Variants in NEK6 observed in about 807,000 individuals in gnomAD.
The protein encoded by NEK6 is serine/threonine-protein kinase Nek6.
In NEK6, 27 loss-of-function variants were observed where a neutral mutation model predicts 43.5. That is an observed-to-expected ratio of 0.62 (90% CI 0.46 to 0.86). The LOEUF (loss-of-function observed/expected upper bound fraction) is 0.86. Among genes scored for constraint, NEK6 ranks in the 40% least tolerant of loss-of-function variants. The pLI is 0.00. For missense variants in NEK6, 318 were observed against 414.4 expected (o/e 0.77, Z 2.02); for synonymous variants, 167 against 164.1 (o/e 1.02, Z -0.14).
rs7040074 is a variant in NEK6 at position 124,258,283 on chromosome 9, C to T, written c.-30+198C>T. The T allele has an allele frequency of 3.1e-3, 3,067 of 984,930 alleles. 68 individuals carry two copies. The African/African-American group carries it at 0.05, about 16-fold the overall frequency. The allele number at this position is 984,930 out of a possible 1,614,324, so 61.0% of individuals were successfully genotyped here. ...TCGGCGGCCGGGCGGGCGGGGGCGG[C>T]GTGTCCGCGTGTCCCGGGGTGTGCG... On this transcript the variant is annotated intron_variant, in intron 1 of 9. Coordinates refer to ENST00000320246, the MANE Select transcript of NEK6 (RefSeq NM_014397.6).
At chr9:124,265,967 T>C (rs1051067464) in intron 1 of NEK6, among the ~76,000 whole-genome samples, 1 of 152,150 alleles carries the variant, frequency 6.6e-6, no homozygotes, top group Middle Eastern at 3.2e-3. Flanking sequence ...AACCCCTTCT[T>C]AGGTGCTCTT....
chr9:124,263,801 G>A (rs2118865631), intron 1 of NEK6, among the ~76,000 whole-genome samples: 1 of 152,334 alleles, frequency 6.6e-6, no homozygotes, highest in East Asian at 1.9e-4. Flanking sequence ...CAGGATTTAA[G>A]CACCAGGGTG....
chr9:124,350,041 AG>A (rs919548141), intron 9 of NEK6, among the ~76,000 whole-genome samples: 2 of 152,086 alleles, frequency 1.3e-5, no homozygotes, highest in Non-Finnish European at 2.9e-5. Context: ...GGCCCTTCCC[AG>A]TCCCTGAGTG....
chr9:124,291,621 C>T (rs1433800765), intron 1 of NEK6, among the ~76,000 whole-genome samples: 2 of 150,644 alleles, frequency 1.3e-5, no homozygotes, highest in Non-Finnish European at 3.0e-5. Context: ...AGCGAAACTC[C>T]ATCTCAAATA....
chr9:124,301,457 C>T (rs1308926068), intron 1 of NEK6, among the ~76,000 whole-genome samples: 6 of 152,180 alleles, frequency 3.9e-5, no homozygotes, highest in African/African-American at 1.4e-4. Context: ...AGGACAAGGA[C>T]GTAGGTTCCT....
rs1378471983 is a variant in NEK6, at chr9:124,275,594, C to G, written c.-30+17509C>G. Among the ~76,000 whole-genome samples, 2 of 152,204 alleles carry G rather than the reference C, an allele frequency of 1.3e-5. No homozygotes were observed. The highest frequency in any genetic ancestry group is 2.9e-5 in the Non-Finnish European group (2 of 68,030). ...GACCTCAGCACACTGCTTAGAAACC[C>G]CTGCTTGGTGCCTCCATAGCCCCTT... On this transcript the variant is annotated intron_variant, in intron 1 of 9. Transcript: ENST00000320246. This position sits in a 1 kb window ranked among gnomAD's most constrained non-coding sequence, Gnocchi z 4.4.
chr9:124,347,011 A>T (rs762387146), intron 8 of NEK6, among the ~76,000 whole-genome samples: 4 of 152,226 alleles, frequency 2.6e-5, no homozygotes, highest in Admixed American at 6.5e-5. Context: ...CAGCGAGTGC[A>T]GAGCTGGGGT....
intron 9 of NEK6, 135 bp downstream of exon 9, chr9:124,347,957 A>C: frequency 1.8e-6 from 1 of 557,896 alleles, no homozygotes; most frequent in Non-Finnish European, 3.2e-6. Flanking sequence ...GCTTTCTGGA[A>C]AAGTGACTTG....
intron 4 of NEK6, among the ~76,000 whole-genome samples, chr9:124,317,437 G>A (rs1833873365): frequency 1.3e-5 from 2 of 152,188 alleles, no homozygotes; most frequent in African/African-American, 2.4e-5. Flanking sequence ...GGTCTTGAAC[G>A]CCTGACCTCA....
At chr9:124,314,855 T>C (rs1183512082) in intron 4 of NEK6, among the ~76,000 whole-genome samples, 1 of 152,172 alleles carries the variant, frequency 6.6e-6, no homozygotes, top group African/African-American at 2.4e-5. Flanking sequence ...AGACAGCGTT[T>C]CACCATGTTG....
intron 2 of NEK6, 83 bp from the exon 3 acceptor site, chr9:124,312,426 T>C: frequency 6.9e-6 from 10 of 1,445,528 alleles, no homozygotes; most frequent in Non-Finnish European, 6.5e-6. Flanking sequence ...AGGGTGCTGT[T>C]GGGGTGCTGG....
At chr9:124,335,157 T>C (rs1189178272) in intron 7 of NEK6, among the ~76,000 whole-genome samples, 2 of 152,186 alleles carry the variant, frequency 1.3e-5, no homozygotes, top group Admixed American at 1.3e-4. Flanking sequence ...GGAATCCACT[T>C]ACATTTGTCC....
chr9:124,341,650 C>T (rs539948749), intron 8 of NEK6, among the ~76,000 whole-genome samples: 67 of 152,136 alleles, frequency 4.4e-4, no homozygotes, highest in South Asian at 8.3e-4. Context: ...GAAAGGGGGA[C>T]GAGCCATTTG....
intron 1 of NEK6, among the ~76,000 whole-genome samples, chr9:124,262,162 G>C (rs547648402): frequency 1.3e-5 from 2 of 152,180 alleles, no homozygotes; most frequent in South Asian, 2.1e-4. Context: ...GTATTTGGCT[G>C]TCTTTTCACT....
At chr9:124,329,019 G>A (rs944731187) in intron 7 of NEK6, among the ~76,000 whole-genome samples, 5 of 152,160 alleles carry the variant, frequency 3.3e-5, no homozygotes, top group African/African-American at 9.7e-5. Flanking sequence ...AGATTTTTCC[G>A]AGGTCACATG....
In NEK6 at chr9:124,343,681, G is replaced by T. The variant is rs1025096881; in HGVS notation, c.717+4016G>T. Reference sequence around the variant, plus strand: ...GGAGCCTCCCGCCCCACAGCCTGTGGTGTCTTCCAGGGGCACCAGCCTGAA... The same window carrying T: ...GGAGCCTCCCGCCCCACAGCCTGTGTTGTCTTCCAGGGGCACCAGCCTGAA... On this transcript the variant is annotated intron_variant, in intron 8 of 9. Coordinates refer to ENST00000320246, the MANE Select transcript of NEK6 (RefSeq NM_014397.6). The surrounding 1 kb of genome is among the most constrained non-coding windows in gnomAD (Gnocchi z 5.1). 6.6e-6 allele frequency among the ~76,000 whole-genome samples: 1 copy of T among 152,214 alleles called. No homozygotes were observed. The highest frequency in any genetic ancestry group is 1.5e-5 in the Non-Finnish European group (1 of 68,040).
intron 5 of NEK6, among the ~76,000 whole-genome samples, chr9:124,323,552 C>T (rs1010844081): frequency 2.3e-4 from 35 of 152,168 alleles, no homozygotes; most frequent in African/African-American, 6.8e-4. Context: ...CACACGGGAA[C>T]GCAGCCCGTG....
rs536779199 is a variant in NEK6, at chr9:124,310,541, C to G, written c.91-1968C>G. Among the ~76,000 whole-genome samples, 32 of 152,354 alleles carry G rather than the reference C, an allele frequency of 2.1e-4. No individual in the cohort carries two copies. In the South Asian group the frequency reaches 6.6e-3, roughly 32 times the overall value. On this transcript the variant is annotated intron_variant, in intron 2 of 9. Transcript: ENST00000320246. ...TGCTGTGTGCTGTGAGGCCTGGACTCCCATCACTCACTCCCGCAGGAGGGT... is the reference window on the plus strand; with the variant it reads ...TGCTGTGTGCTGTGAGGCCTGGACTGCCATCACTCACTCCCGCAGGAGGGT...
chr9:124,293,209 A>G (rs1832512662), intron 1 of NEK6, among the ~76,000 whole-genome samples: 1 of 152,256 alleles, frequency 6.6e-6, no homozygotes, highest in Non-Finnish European at 1.5e-5. Flanking sequence ...CATGCTGCTT[A>G]TCAGCTGCAT....
Sources: allele counts gnomAD v4.1 joint callset (sites outside exome capture counted in the v4.1 genomes callset), GRCh38; gene constraint gnomAD v4.1.1; non-coding constraint Gnocchi (gnomAD v3.1); transcripts MANE v1.5; gene names NCBI Gene and HGNC (gene_info 2026-07-23, HGNC 2026-07-21).